The following TRIO variants were observed in gnomAD, a reference collection of about 807,000 sequenced individuals.
TRIO encodes trio Rho guanine nucleotide exchange factor.
In TRIO, 58 loss-of-function variants were observed where a neutral mutation model predicts 351.9. The observed-to-expected ratio is 0.16, with a 90% CI of 0.13 to 0.21. TRIO has a LOEUF of 0.21. Ranked by LOEUF, TRIO falls within the 10% of genes least tolerant of loss-of-function variation. The pLI, the probability that TRIO is intolerant of heterozygous loss-of-function variation, is 1.00. For missense variants in TRIO, 3,201 were observed against 4,027.8 expected, an observed-to-expected ratio of 0.79 and a Z score of 5.56; for synonymous variants, 1,758 against 1,595.7, an observed-to-expected ratio of 1.10 and a Z score of -2.42.
intron 3 of TRIO, among the ~76,000 whole-genome samples, chr5:14,284,600 C>T (rs1417916829): frequency 2.0e-5 from 3 of 152,094 alleles, no homozygotes; most frequent in Non-Finnish European, 4.4e-5. Context: ...CCGCTTATTC[C>T]TGTTGTTAAG....
At chr5:14,325,047 A>C (rs1740241756) in intron 9 of TRIO, among the ~76,000 whole-genome samples, 1 of 152,248 alleles carries the variant, frequency 6.6e-6, no homozygotes, top group East Asian at 1.9e-4. Context: ...AGCATAGAAC[A>C]GTCATTCAAT....
intron 34 of TRIO, among the ~76,000 whole-genome samples, chr5:14,459,203 A>G (rs1321261730): frequency 6.6e-6 from 1 of 152,218 alleles, no homozygotes; most frequent in Non-Finnish European, 1.5e-5. Context: ...TGTGCTGTCT[A>G]GTCCCAGCGT....
chr5:14,366,262 C>G (rs1315362218), intron 15 of TRIO, among the ~76,000 whole-genome samples: 3 of 152,156 alleles, frequency 2.0e-5, no homozygotes, highest in African/African-American at 7.2e-5. Context: ...CCACACCTTA[C>G]TATCCAGAAG....
At chr5:14,175,844 G>T (rs1157209017) in intron 1 of TRIO, among the ~76,000 whole-genome samples, 1 of 152,166 alleles carries the variant, frequency 6.6e-6, no homozygotes, top group Non-Finnish European at 1.5e-5. Flanking sequence ...TAATGTCCTG[G>T]GTTGGGGAGA....
intron 9 of TRIO, among the ~76,000 whole-genome samples, chr5:14,328,822 C>A (rs1026916393): frequency 6.6e-6 from 1 of 152,112 alleles, no homozygotes; most frequent in Non-Finnish European, 1.5e-5. Flanking sequence ...TATAGGGGGG[C>A]TGGAAATGGA....
rs990198155 is a variant in TRIO, at chr5:14,443,085, C to T, written c.5204-17934C>T. Reference sequence around the variant, plus strand: ...TCTTCTCAAGGGACATTATTAAATTCGCTTTTTAAAGTACTAGAGGATAAT... The same window carrying T: ...TCTTCTCAAGGGACATTATTAAATTTGCTTTTTAAAGTACTAGAGGATAAT... On this transcript the variant is annotated intron_variant, in intron 34 of 56. Transcript: ENST00000344204. 4.6e-5 allele frequency among the ~76,000 whole-genome samples: 7 copies of T among 152,116 alleles called. No individual in the cohort carries two copies. The South Asian group carries it at 6.2e-4, about 14-fold the overall frequency.
rs1389312406 is a variant in TRIO, at chr5:14,507,916, C to T, written c.8788C>T (p.Pro2930Ser). ...NILVDESLAK[P>S]TIKLADFGDA... The stretch of plus-strand genomic sequence containing the variant: ...CCTGGTGGATGAGAGTTTAGCCAAG[C>T]CAACCATCAAACTGGCTGACTTTGG... The change falls in exon 57 of 57, where the codon CCA becomes TCA. Residue 2930 changes from proline (P) to serine (S), a missense_variant. Physicochemically the swap from Pro to Ser is moderately conservative, Grantham distance 74. Around this residue, in one of 19 missense-constraint regions of TRIO, gnomAD observed 233 missense variants for 292.6 expected, o/e 0.80. Coordinates refer to ENST00000344204, the MANE Select transcript of TRIO (RefSeq NM_007118.4). 6.2e-7 allele frequency: 1 copy of T among 1,614,092 alleles called. No individual in the cohort carries two copies.
chr5:14,364,001 G>A, intron 14 of TRIO, 74 bp downstream of exon 14: 1 of 1,449,814 alleles, frequency 6.9e-7, no homozygotes, highest in Non-Finnish European at 9.3e-7. Flanking sequence ...TATTTCAGTG[G>A]GATGACTGCA....
chr5:14,494,599 T>C (rs1435397351), intron 49 of TRIO, among the ~76,000 whole-genome samples: 1 of 152,248 alleles, frequency 6.6e-6, no homozygotes, highest in African/African-American at 2.4e-5. Context: ...TCAAGTCTTA[T>C]TTAAGAAATA....
intron 5 of TRIO, 53 bp downstream of exon 5, chr5:14,291,281 G>T: frequency 6.4e-7 from 1 of 1,558,166 alleles, no homozygotes; most frequent in South Asian, 1.2e-5. Context: ...GCCAGCGCTG[G>T]TGGGTTCGGG....
chr5:14,452,849 G>A (rs925431472), intron 34 of TRIO, among the ~76,000 whole-genome samples: 1 of 152,118 alleles, frequency 6.6e-6, no homozygotes, highest in African/African-American at 2.4e-5. Flanking sequence ...ATCCTCCTTG[G>A]TCTGCGACCA....
intron 1 of TRIO, among the ~76,000 whole-genome samples, chr5:14,156,081 A>G (rs1452143302): frequency 1.3e-5 from 2 of 152,120 alleles, no homozygotes; most frequent in Admixed American, 6.6e-5. Flanking sequence ...ATGAGCTATG[A>G]TCTTTTGCTG....
intron 1 of TRIO, among the ~76,000 whole-genome samples, chr5:14,172,819 C>T (rs1789179066): frequency 6.6e-6 from 1 of 152,184 alleles, no homozygotes; most frequent in Admixed American, 6.5e-5. Context: ...TTACAGCATA[C>T]AGAATAACAT....
At chr5:14,317,234 C>G (rs1739453118) in intron 9 of TRIO, among the ~76,000 whole-genome samples, 1 of 152,182 alleles carries the variant, frequency 6.6e-6, no homozygotes. Flanking sequence ...CAGTTGCCAT[C>G]TCTTTTGTTT....
At chr5:14,325,928 G>T (rs1740344595) in intron 9 of TRIO, among the ~76,000 whole-genome samples, 1 of 152,202 alleles carries the variant, frequency 6.6e-6, no homozygotes, top group Non-Finnish European at 1.5e-5. Flanking sequence ...GCTGAGCGTT[G>T]TGACAGCGTC....
At chr5:14,315,315 C>T (rs1193065300) in intron 8 of TRIO, among the ~76,000 whole-genome samples, 1 of 150,336 alleles carries the variant, frequency 6.7e-6, no homozygotes, top group Non-Finnish European at 1.5e-5. Context: ...CAGTGGCACA[C>T]GATCTCGGCT....
chr5:14,426,690 G>A lies in TRIO; in HGVS notation c.5203+6669G>A, dbSNP rs553342349. 7.2e-5 allele frequency among the ~76,000 whole-genome samples: 11 copies of A among 152,282 alleles called. No individual in the cohort carries two copies. In the South Asian group the frequency reaches 2.3e-3, roughly 32 times the overall value. On this transcript the variant is annotated intron_variant, in intron 34 of 56. Coordinates refer to ENST00000344204, the MANE Select transcript of TRIO (RefSeq NM_007118.4). Reference sequence around the variant, plus strand: ...AAGCAGCGAGTCTCCGCAGATGGCCGGCACTGAGAGCCAGCAAGAAGCGGA... The same window carrying A: ...AAGCAGCGAGTCTCCGCAGATGGCCAGCACTGAGAGCCAGCAAGAAGCGGA...
chr5:14,370,876 A>C (rs16903423), intron 18 of TRIO, among the ~76,000 whole-genome samples: 14,444 of 152,224 alleles, frequency 0.095, 1,050 homozygotes, highest in African/African-American at 0.21. Context: ...AAGAAAAATG[A>C]ATGCCACTTA....
chr5:14,342,946 G>A (rs940341995), intron 11 of TRIO, among the ~76,000 whole-genome samples: 8 of 152,080 alleles, frequency 5.3e-5, no homozygotes, highest in East Asian at 1.9e-4. Context: ...TAAGTCCATC[G>A]TCAAGTTGAA....
Sources: gnomAD v4.1 joint callset for allele counts (sites outside exome capture counted in the v4.1 genomes callset) on GRCh38, gnomAD v4.1.1 for gene constraint, gnomAD v4.1.1 regional missense constraint, MANE v1.5 for transcripts, NCBI Gene and HGNC (gene_info 2026-07-23, HGNC 2026-07-21) for gene names.